The following KAT6B variants were observed in gnomAD, a reference collection of about 807,000 sequenced individuals.
KAT6B encodes lysine acetyltransferase 6B.
KAT6B carries 10 observed loss-of-function variants against 187.5 expected under a neutral mutation model. The observed-to-expected ratio is 0.05, with a 90% CI of 0.03 to 0.09. The LOEUF is 0.09. KAT6B is among the 10% of genes least tolerant of loss of function. The probability of loss-of-function intolerance (pLI) is 1.00; values close to 1 mark genes in which losing one functional copy is unlikely to be tolerated. For missense variants in KAT6B, 1,952 were observed against 2,558.9 expected (o/e 0.76, Z 5.12); for synonymous variants, 861 against 926.8 (o/e 0.93, Z 1.29).
chr10:74,967,317 G>T (rs189688040), intron 4 of KAT6B, among the ~76,000 whole-genome samples: 2 of 142,014 alleles, frequency 1.4e-5, no homozygotes, highest in Non-Finnish European at 3.0e-5. Flanking sequence ...GCAACAGAGC[G>T]AGACTCCGTC....
intron 3 of KAT6B, among the ~76,000 whole-genome samples, chr10:74,883,934 A>T (rs1262959934): frequency 6.6e-6 from 1 of 152,208 alleles, no homozygotes; most frequent in Non-Finnish European, 1.5e-5. Context: ...CTGTTGAATG[A>T]GTCTCAGTGC....
At chr10:74,906,614 A>G (rs1305138094) in intron 3 of KAT6B, among the ~76,000 whole-genome samples, 1 of 152,088 alleles carries the variant, frequency 6.6e-6, no homozygotes, top group African/African-American at 2.4e-5. Context: ...AATCATTTCC[A>G]CCCTTTTATC....
intron 3 of KAT6B, among the ~76,000 whole-genome samples, chr10:74,914,711 T>C (rs1847528890): frequency 6.6e-6 from 1 of 152,236 alleles, no homozygotes; most frequent in Non-Finnish European, 1.5e-5. Flanking sequence ...TGCAAATTGA[T>C]ATTTTTTTCT....
At chr10:74,999,333 T>G (rs903674672) in intron 13 of KAT6B, among the ~76,000 whole-genome samples, 7 of 152,220 alleles carry the variant, frequency 4.6e-5, no homozygotes, top group African/African-American at 1.7e-4. Flanking sequence ...TTGCACAGAC[T>G]CCAGAGCTCA....
At chr10:74,841,183 G>A (rs1043934252) in intron 2 of KAT6B, among the ~76,000 whole-genome samples, 1 of 152,186 alleles carries the variant, frequency 6.6e-6, no homozygotes, top group Non-Finnish European at 1.5e-5. Context: ...ATTGTGGTAG[G>A]GCTGGGGTTC....
Position 74,972,650 on chromosome 10 carries a change from A to G in KAT6B, c.1061+11A>G, listed in dbSNP as rs750506610. The G allele has an allele frequency of 1.2e-6, 2 of 1,610,190 alleles. No homozygotes were observed. On this transcript the variant is annotated intron_variant, in intron 7 of 17. Transcript: ENST00000287239. ...AAAGCAACGATTGTTGTAGGTTGAG[A>G]TCTTATCAAAAGAAATCATTTATGT...
intron 3 of KAT6B, among the ~76,000 whole-genome samples, chr10:74,952,022 A>G (rs997770798): frequency 6.6e-5 from 10 of 152,222 alleles, no homozygotes; most frequent in South Asian, 2.1e-4. Context: ...ATGATATGCA[A>G]TATTTCAGAT....
At position 74,972,603 on chromosome 10, in the gene KAT6B, T is replaced by C. The variant is rs182392778; in HGVS notation, c.1025T>C (p.Ile342Thr). 208 of 1,613,346 alleles carry C rather than the reference T, an allele frequency of 1.3e-4. No homozygotes were observed. The East Asian group carries it at 2.3e-3, about 18-fold the overall frequency. The change falls in exon 7 of 18, where the codon ATT (isoleucine) becomes ACT (threonine). Residue 342 changes from isoleucine (I) to threonine (T), a missense_variant. Physicochemically the swap from Ile to Thr is moderately conservative, Grantham distance 89. Coordinates refer to ENST00000287239, the MANE Select transcript of KAT6B (RefSeq NM_012330.4). ...ATAAAACGACGATATGCAAAACCCA[T>C]TGGACGACCGAAAAATAAATTAAAG... is the stretch of plus-strand genomic sequence containing the variant. ...AQIKRRYAKPIGRPKNKLKQR... is the reference protein window; with the variant it reads ...AQIKRRYAKPTGRPKNKLKQR...
At chr10:74,884,440 T>C (rs1366851062) in intron 3 of KAT6B, among the ~76,000 whole-genome samples, 1 of 152,240 alleles carries the variant, frequency 6.6e-6, no homozygotes, top group Non-Finnish European at 1.5e-5. Flanking sequence ...TCTATTATTA[T>C]AAAAGCCCTA....
intron 3 of KAT6B, among the ~76,000 whole-genome samples, chr10:74,937,689 T>C (rs900763312): frequency 6.6e-6 from 1 of 152,242 alleles, no homozygotes; most frequent in African/African-American, 2.4e-5. Context: ...TTCTCATGTG[T>C]AAATGGAGAT....
intron 3 of KAT6B, among the ~76,000 whole-genome samples, chr10:74,934,228 A>G (rs1436279762): frequency 2.7e-5 from 4 of 150,856 alleles, no homozygotes; most frequent in African/African-American, 9.8e-5. Flanking sequence ...TGTTATAATC[A>G]TGGCCAGTAA....
intron 3 of KAT6B, among the ~76,000 whole-genome samples, chr10:74,856,865 C>T (rs376046221): frequency 5.3e-5 from 8 of 152,176 alleles, no homozygotes; most frequent in Admixed American, 3.3e-4. Flanking sequence ...CACACCACTG[C>T]GCTCCAGCCT....
chr10:74,895,485 G>A (rs762906574), intron 3 of KAT6B, among the ~76,000 whole-genome samples: 5 of 151,866 alleles, frequency 3.3e-5, no homozygotes, highest in Non-Finnish European at 5.9e-5. Flanking sequence ...TATGAGTAAG[G>A]CATAAAAAGC....
chr10:74,853,299 T>G (rs1415254458), intron 3 of KAT6B, among the ~76,000 whole-genome samples: 5 of 151,564 alleles, frequency 3.3e-5, no homozygotes, highest in African/African-American at 1.2e-4. Context: ...TTTTTTTTTT[T>G]CTTTTTTTTG....
chr10:74,853,880 C>T (rs929802951), intron 3 of KAT6B, among the ~76,000 whole-genome samples: 5 of 152,112 alleles, frequency 3.3e-5, no homozygotes, highest in African/African-American at 4.8e-5. Flanking sequence ...CTGCCCACCT[C>T]GGCCTCCCAA....
Position 75,032,054 on chromosome 10 carries a change from A to G in KAT6B, c.*1008A>G, listed in dbSNP as rs1274643956. On this transcript the variant is annotated 3_prime_UTR_variant, in exon 18 of 18. Coordinates refer to ENST00000287239, the MANE Select transcript of KAT6B (RefSeq NM_012330.4). ...CAAACTAAGCTTACAAATCGCATGT[A>G]AAAAAGCAAAAAAGTTATTTGTGTC... The G allele has an allele frequency of 5.1e-6, 1 of 194,470 alleles. No individual in the cohort carries two copies. The highest frequency in any genetic ancestry group is 1.1e-5 in the Non-Finnish European group (1 of 93,116). 12.0% of individuals were successfully genotyped at this position (194,470 alleles called of 1,614,324 possible).
At chr10:75,011,471 T>A (rs899810530) in intron 13 of KAT6B, among the ~76,000 whole-genome samples, 2 of 152,212 alleles carry the variant, frequency 1.3e-5, no homozygotes, top group Admixed American at 6.5e-5. Context: ...GAGCATTAAC[T>A]TAGTTTGGTG....
intron 13 of KAT6B, among the ~76,000 whole-genome samples, chr10:74,998,972 G>A (rs752037877): frequency 6.6e-6 from 1 of 152,178 alleles, no homozygotes; most frequent in Non-Finnish European, 1.5e-5. Context: ...TGATAAGCAA[G>A]TGGCTTTCAA....
At chr10:74,867,021 C>T (rs887663895) in intron 3 of KAT6B, among the ~76,000 whole-genome samples, 3 of 151,962 alleles carry the variant, frequency 2.0e-5, no homozygotes, top group Non-Finnish European at 2.9e-5. Context: ...TTTATAGTGC[C>T]CATTATGTCT....
Sources: gnomAD v4.1 joint callset for allele counts (sites outside exome capture counted in the v4.1 genomes callset) on GRCh38, gnomAD v4.1.1 for gene constraint, MANE v1.5 for transcripts, NCBI Gene and HGNC (gene_info 2026-07-23, HGNC 2026-07-21) for gene names.